The following TEKT3 variants were observed in gnomAD, a reference collection of about 807,000 sequenced individuals.
The protein encoded by TEKT3 is tektin-3.
TEKT3 carries 49 observed loss-of-function variants against 49.8 expected under a neutral mutation model. The ratio of observed to expected loss-of-function variants is 0.98; its 90% CI spans 0.78 to 1.25. The LOEUF (loss-of-function observed/expected upper bound fraction) is 1.25, where lower values mean the gene tolerates loss of function less well. Ranked by LOEUF, TEKT3 falls within the 50% of genes most tolerant of loss-of-function variation. The pLI is 0.00. For missense variants in TEKT3, 595 were observed against 629.5 expected (o/e 0.95, Z 0.59); for synonymous variants, 225 against 237.2 (o/e 0.95, Z 0.47).
chr17:15,304,031 C>A lies in TEKT3; in HGVS notation c.1378G>T (p.Ala460Ser). Residue 460 changes from alanine to serine, a missense_variant, in exon 9 of 9, where the codon GCT (alanine) becomes TCT (serine). Physicochemically the swap from Ala to Ser is moderately conservative, Grantham distance 99 (BLOSUM62 1). Coordinates refer to ENST00000395930, the MANE Select transcript of TEKT3 (RefSeq NM_031898.3). The surrounding 1 kb of genome is among the most constrained non-coding windows in gnomAD (Gnocchi z 4.7). ...ATGTACAGGGAATTGGCTTTGACAGCCAGGTCATACTCGAGTGTGGCTTTG... is the reference window on the plus strand; with the variant it reads ...ATGTACAGGGAATTGGCTTTGACAGACAGGTCATACTCGAGTGTGGCTTTG... ...HIKATLEYDL[A>S]VKANSLYIDQ... The A allele has an allele frequency of 6.2e-7, 1 of 1,614,134 alleles. No homozygotes were observed. Among genetic ancestry groups the A allele is most frequent in the Non-Finnish European group, 8.5e-7 (1 of 1,180,038 alleles).
intron 4 of TEKT3, among the ~76,000 whole-genome samples, chr17:15,323,182 C>T (rs923526560): frequency 1.3e-5 from 2 of 152,188 alleles, no homozygotes; most frequent in African/African-American, 2.4e-5. Flanking sequence ...AATGCTGAAA[C>T]GTCTCTCCAG....
chr17:15,312,281 T>G lies in TEKT3; in HGVS notation c.1079A>C (p.Lys360Thr), dbSNP rs779029297. 7.4e-6 allele frequency: 12 copies of G among 1,614,034 alleles called. No homozygotes were observed. The highest frequency in any genetic ancestry group is 9.3e-6 in the Non-Finnish European group (11 of 1,180,044). Residue 360 changes from lysine to threonine, a missense_variant, in exon 7 of 9, where the codon AAG (lysine) becomes ACG (threonine). Lys to Thr is a moderately conservative substitution (Grantham distance 78). Transcript: ENST00000395930. ...TACCTTTGCTAAGTGCGTCTGAATC[T>G]TATTCTTAGCATCTGCAGTCTCAGC... The part of the protein sequence containing the change: ...RIAETADAKN[K>T]IQTHLAKTLQ...
chr17:15,317,521 C>A (rs948222035), intron 5 of TEKT3, among the ~76,000 whole-genome samples: 1 of 152,204 alleles, frequency 6.6e-6, no homozygotes, highest in African/African-American at 2.4e-5. Context: ...CCAGTCACAG[C>A]TCGAGAGAAT....
chr17:15,317,866 C>T (rs1330741638), intron 5 of TEKT3, among the ~76,000 whole-genome samples: 1 of 152,054 alleles, frequency 6.6e-6, no homozygotes, highest in Non-Finnish European at 1.5e-5. Flanking sequence ...AAAGAGAGCC[C>T]ATCCCCTGGA....
chr17:15,335,842 T>G (rs1911956152), intron 2 of TEKT3, among the ~76,000 whole-genome samples: 1 of 152,070 alleles, frequency 6.6e-6, no homozygotes, highest in Non-Finnish European at 1.5e-5. Flanking sequence ...ACATACAATA[T>G]ATACTTGCAC....
In TEKT3 at chr17:15,303,835, T is replaced by C; in HGVS notation, c.*101A>G. 8.9e-7 allele frequency: 1 copy of C among 1,125,818 alleles called. No homozygotes were observed. Among genetic ancestry groups the C allele is most frequent in the Non-Finnish European group, 1.3e-6 (1 of 761,186 alleles). 69.7% of individuals were successfully genotyped at this position (1,125,818 alleles called of 1,614,324 possible). ...GGTTGGTACATTTCCATCAGCATAA[T>C]CCTTTAATAAGTGACTATATTAGCA... is the stretch of plus-strand genomic sequence containing the variant. On this transcript the variant is annotated 3_prime_UTR_variant, in exon 9 of 9. Coordinates refer to ENST00000395930, the MANE Select transcript of TEKT3 (RefSeq NM_031898.3).
intron 3 of TEKT3, among the ~76,000 whole-genome samples, chr17:15,328,344 C>A (rs1424597437): frequency 6.6e-6 from 1 of 152,152 alleles, no homozygotes; most frequent in Non-Finnish European, 1.5e-5. Context: ...TTTACTTGAT[C>A]CCCGCAAATT....
chr17:15,314,399 C>A, intron 5 of TEKT3, 169 bp from the exon 6 acceptor site: 1 of 863,146 alleles, frequency 1.2e-6, no homozygotes, highest in South Asian at 1.5e-5. Flanking sequence ...CTGGATATGC[C>A]CATACCTCTA....
intron 4 of TEKT3, among the ~76,000 whole-genome samples, chr17:15,321,637 C>T (rs1222635821): frequency 2.0e-5 from 3 of 152,264 alleles, no homozygotes; most frequent in Non-Finnish European, 2.9e-5. Context: ...GGAAGTGAAC[C>T]GTACATTTAG....
chr17:15,320,611 A>G (rs1911212052), intron 4 of TEKT3, among the ~76,000 whole-genome samples: 1 of 152,172 alleles, frequency 6.6e-6, no homozygotes, highest in Non-Finnish European at 1.5e-5. Flanking sequence ...AATATCAAAT[A>G]TGTCTAGAGT....
chr17:15,314,017 C>T, intron 6 of TEKT3, 70 bp downstream of exon 6: 1 of 1,603,808 alleles, frequency 6.2e-7, no homozygotes, highest in South Asian at 1.1e-5. Flanking sequence ...AACCTGTAAG[C>T]TGTGTCCTTT....
At chr17:15,318,975 G>T in intron 5 of TEKT3, 102 bp downstream of exon 5, 1 of 840,330 alleles carries the variant, frequency 1.2e-6, no homozygotes, top group Non-Finnish European at 1.9e-6. Flanking sequence ...GTATATGCCT[G>T]TGTGTGTGTC....
chr17:15,334,369 C>G lies in TEKT3; in HGVS notation c.-29-2755G>C, dbSNP rs1306352823. Among the ~76,000 whole-genome samples, 3 of 152,170 alleles carry G rather than the reference C, an allele frequency of 2.0e-5. No individual in the cohort carries two copies. The East Asian group carries it at 5.8e-4, about 29-fold the overall frequency. ...CATGCCCAGCCTGCTTAATTCTTGA[C>G]AATAAGAGATCCAGAAACCAATAGC... On this transcript the variant is annotated intron_variant, in intron 2 of 8. Coordinates refer to ENST00000395930, the MANE Select transcript of TEKT3 (RefSeq NM_031898.3).
chr17:15,335,772 G>C (rs975146522), intron 2 of TEKT3, among the ~76,000 whole-genome samples: 2 of 152,100 alleles, frequency 1.3e-5, no homozygotes, highest in Admixed American at 6.6e-5. Context: ...TTTGATACAA[G>C]GACATTGAGA....
rs908175884 is a variant in TEKT3, at chr17:15,305,805, C to T, written c.1257-1653G>A. ...TCAATGCTAAAAAAAAAAAAAAAAT[C>T]GAGATATAGAACGTAGGCAGTTAGA... On this transcript the variant is annotated intron_variant, in intron 8 of 8. Coordinates refer to ENST00000395930, the MANE Select transcript of TEKT3 (RefSeq NM_031898.3). Among the ~76,000 whole-genome samples, 86 of 150,818 alleles carry T rather than the reference C, an allele frequency of 5.7e-4. 1 individual carries two copies. The highest frequency in any genetic ancestry group is 5.3e-4 in the Admixed American group (8 of 15,142).
intron 3 of TEKT3, among the ~76,000 whole-genome samples, chr17:15,328,562 C>A (rs1431775562): frequency 6.6e-6 from 1 of 152,038 alleles, no homozygotes; most frequent in Non-Finnish European, 1.5e-5. Flanking sequence ...TCCCAATTAT[C>A]AAAATAATAT....
intron 4 of TEKT3, among the ~76,000 whole-genome samples, chr17:15,324,847 A>G (rs1364301057): frequency 6.6e-6 from 1 of 152,184 alleles, no homozygotes; most frequent in Non-Finnish European, 1.5e-5. Flanking sequence ...ACTGTTGCCT[A>G]TTCCAATGTC....
Position 15,308,661 on chromosome 17 carries a change from T to TA in TEKT3, c.1256+2dup. On this transcript the variant is annotated splice_region_variant and intron_variant, in intron 8 of 8. Transcript: ENST00000395930. ...AGCCCCGAGCCTTCCCCTCCCACCT[T>TA]ACCGTAGCTGAGCCATGTCTCGGCA... 2 of 1,604,078 alleles carry TA rather than the reference T, an allele frequency of 1.2e-6. No individual in the cohort carries two copies. Among genetic ancestry groups the TA allele is most frequent in the Non-Finnish European group, 1.7e-6 (2 of 1,173,210 alleles).
chr17:15,340,681 G>A (rs957927742), intron 1 of TEKT3, among the ~76,000 whole-genome samples: 1 of 152,218 alleles, frequency 6.6e-6, no homozygotes, highest in Non-Finnish European at 1.5e-5. Context: ...GGATTTCCAA[G>A]GGTTACATAA....
Sources: gnomAD v4.1 joint callset for allele counts (sites outside exome capture counted in the v4.1 genomes callset) on GRCh38, gnomAD v4.1.1 for gene constraint, Gnocchi (gnomAD v3.1) non-coding constraint, MANE v1.5 for transcripts, NCBI Gene and HGNC (gene_info 2026-07-23, HGNC 2026-07-21) for gene names.